The following ZNF695 variants were observed in gnomAD, a reference collection of about 807,000 sequenced individuals.
The protein encoded by ZNF695 is zinc finger protein 695.
Under a neutral mutation model 11.2 loss-of-function variants are expected in ZNF695, and 11 were observed. That is an observed-to-expected ratio of 0.98 (90% CI 0.62 to 1.62). The LOEUF (loss-of-function observed/expected upper bound fraction) is 1.62. Ranked by LOEUF, ZNF695 falls within the 40% of genes most tolerant of loss-of-function variation. The pLI, the probability that ZNF695 is intolerant of heterozygous loss-of-function variation, is 0.00. For missense variants in ZNF695, 559 were observed against 590.5 expected (o/e 0.95, Z 0.55); for synonymous variants, 190 against 201.4 (o/e 0.94, Z 0.48).
intron 5 of ZNF695, among the ~76,000 whole-genome samples, chr1:246,946,803 A>C (rs1031848844): frequency 2.6e-5 from 4 of 152,244 alleles, no homozygotes; most frequent in Non-Finnish European, 5.9e-5. Context: ...AGATAGTGAG[A>C]TGTGTGGGAA....
downstream of ZNF695, among the ~76,000 whole-genome samples, chr1:246,980,323 T>C (rs1403554834): frequency 1.3e-5 from 2 of 152,022 alleles, no homozygotes; most frequent in Non-Finnish European, 1.5e-5. Context: ...TATAGACCTG[T>C]ACTATTTGGC....
chr1:246,945,792 G>C (rs928825145), exon 6 of ZNF695: 1 of 1,550,070 alleles, frequency 6.5e-7, no homozygotes, highest in Non-Finnish European at 8.7e-7. Flanking sequence ...ACCTCCGCAG[G>C]GTCTTCAAAG....
At chr1:246,992,061 G>A (rs1360595957) in intron 3 of ZNF695, among the ~76,000 whole-genome samples, 1 of 152,136 alleles carries the variant, frequency 6.6e-6, no homozygotes, top group Non-Finnish European at 1.5e-5. Flanking sequence ...CTACTCGGGA[G>A]GCTGAGACGG....
chr1:247,006,644 A>G (rs1669550539), intron 1 of ZNF695, among the ~76,000 whole-genome samples: 1 of 152,212 alleles, frequency 6.6e-6, no homozygotes, highest in South Asian at 2.1e-4. Context: ...AATAAAAAGA[A>G]CAAATAGTTG....
chr1:246,951,720 T>C (rs1487989220), intron 5 of ZNF695, among the ~76,000 whole-genome samples: 4 of 152,180 alleles, frequency 2.6e-5, no homozygotes, highest in Non-Finnish European at 5.9e-5. Flanking sequence ...AGCTTCTGTG[T>C]GGAAGATCCT....
chr1:246,981,337 C>G (rs1255845135), downstream of ZNF695, among the ~76,000 whole-genome samples: 2 of 152,060 alleles, frequency 1.3e-5, no homozygotes, highest in African/African-American at 4.8e-5. Flanking sequence ...CAAAAAAATT[C>G]AAAATAGAAC....
intron 1 of ZNF695, among the ~76,000 whole-genome samples, chr1:247,004,740 G>C (rs1669486990): frequency 6.6e-6 from 1 of 152,134 alleles, no homozygotes; most frequent in African/African-American, 2.4e-5. Flanking sequence ...AAAGTGGTAG[G>C]ATACAATACT....
At chr1:246,958,238 T>C (rs1345737804) in intron 5 of ZNF695, among the ~76,000 whole-genome samples, 3 of 151,996 alleles carry the variant, frequency 2.0e-5, no homozygotes, top group Non-Finnish European at 2.9e-5. Flanking sequence ...TTTTGTATTT[T>C]TAGTAGAGAC....
chr1:247,008,026 C>A lies in ZNF695; in HGVS notation c.-118G>T. Reference sequence around the variant, plus strand: ...CTCTCCGAGAGGCAGCAGACGGGAACCCAGCACCCCGCCGGCCGCAAGGAG... The same window carrying A: ...CTCTCCGAGAGGCAGCAGACGGGAAACCAGCACCCCGCCGGCCGCAAGGAG... On this transcript the variant is annotated 5_prime_UTR_variant, in exon 1 of 4. Coordinates refer to ENST00000339986, the MANE Select transcript of ZNF695 (RefSeq NM_020394.5). The A allele has an allele frequency of 8.4e-7, 1 of 1,190,540 alleles. No individual in the cohort carries two copies. Among genetic ancestry groups the A allele is most frequent in the Non-Finnish European group, 1.1e-6 (1 of 905,532 alleles). 73.7% of individuals were successfully genotyped at this position (1,190,540 alleles called of 1,614,324 possible). A position where few individuals can be genotyped will look rare whatever the true frequency, so the allele number is the denominator to read the frequency against.
intron 4 of ZNF695, chr1:246,969,004 T>C (rs1166612876): frequency 3.3e-5 from 5 of 152,244 alleles, no homozygotes; most frequent in African/African-American, 1.2e-4. Flanking sequence ...TGGGGGCATT[T>C]TTCCCATTGT....
intron 5 of ZNF695, among the ~76,000 whole-genome samples, chr1:246,946,899 T>G (rs1192763104): frequency 1.3e-5 from 2 of 152,100 alleles, no homozygotes; most frequent in Admixed American, 6.6e-5. Context: ...CCCAGCACTT[T>G]GGAAGGCCAA....
chr1:246,980,417 CTTT>C (rs34908832), downstream of ZNF695, among the ~76,000 whole-genome samples: 7 of 127,372 alleles, frequency 5.5e-5, no homozygotes, highest in Admixed American at 8.4e-5. Context: ...CCCCCTGCCA[CTTT>C]TTTTTTTTTT....
intron 3 of ZNF695, among the ~76,000 whole-genome samples, chr1:246,992,788 G>A (rs1669079956): frequency 6.6e-6 from 1 of 152,158 alleles, no homozygotes; most frequent in Non-Finnish European, 1.5e-5. Context: ...TGGAAGGAAA[G>A]TTGGTTCCAT....
chr1:246,958,114 A>G (rs995218063), intron 5 of ZNF695, among the ~76,000 whole-genome samples: 1 of 150,982 alleles, frequency 6.6e-6, no homozygotes, highest in Non-Finnish European at 1.5e-5. Context: ...GCTGGAGTGC[A>G]GTGGCGCGAT....
chr1:246,964,404 G>A (rs1668236810), intron 5 of ZNF695, among the ~76,000 whole-genome samples: 1 of 152,092 alleles, frequency 6.6e-6, no homozygotes, highest in Admixed American at 6.6e-5. Context: ...AATTCCAAGT[G>A]ATCAGGATCT....
chr1:246,959,302 AAAAAAAAAATATATATATATATATATAT>A (rs1668093047), intron 5 of ZNF695, among the ~76,000 whole-genome samples: 1 of 70,842 alleles, frequency 1.4e-5, no homozygotes, highest in Admixed American at 1.7e-4. Context: ...AAAAAAAAAA[AAAAAAAAAATATATATATATATATATAT>A]ATATATATAT....
At chr1:246,974,137 T>A (rs1668495143) in intron 4 of ZNF695, among the ~76,000 whole-genome samples, 1 of 112,614 alleles carries the variant, frequency 8.9e-6, no homozygotes. Context: ...CTAGCTTATT[T>A]GGAATAAAAA....
rs779681685 is a variant in ZNF695 at position 247,000,012 on chromosome 1, G to A, written c.66C>T (p.Asp22=). The change falls in exon 2 of 4, where the codon GAC becomes GAT. Residue 22 remains aspartate (D), a synonymous_variant. Transcript: ENST00000339986. ...CCCTATACAAACTCCGCTGAGCTGG[G>A]TCCAGGCATTCCCACTCCTCTGGAG... ...EFSPEEWECL[D]PAQRSLYRDV... is the part of the protein sequence containing the mutation. 6 of 1,614,022 alleles carry A rather than the reference G, an allele frequency of 3.7e-6. No individual in the cohort carries two copies. The highest frequency in any genetic ancestry group is 2.2e-5 in the East Asian group (1 of 44,876).
intron 3 of ZNF695, among the ~76,000 whole-genome samples, chr1:246,996,468 C>A (rs1207065332): frequency 6.6e-6 from 1 of 152,138 alleles, no homozygotes; most frequent in Admixed American, 6.6e-5. Flanking sequence ...TTTTACAAAG[C>A]AGGAAATCTG....
Sources: allele counts gnomAD v4.1 joint callset (sites outside exome capture counted in the v4.1 genomes callset), GRCh38; gene constraint gnomAD v4.1.1; transcripts MANE v1.5; gene names NCBI Gene and HGNC (gene_info 2026-07-23, HGNC 2026-07-21).